The following SP6 variants were observed in gnomAD, a reference collection of about 807,000 sequenced individuals.
SP6 encodes Sp6 transcription factor.
SP6 carries 10 observed loss-of-function variants against 23.4 expected under a neutral mutation model. The observed-to-expected ratio is 0.43, with a 90% CI of 0.26 to 0.72. The LOEUF (loss-of-function observed/expected upper bound fraction) is 0.72, where lower values mean the gene tolerates loss of function less well. Among genes scored for constraint, SP6 ranks in the 30% least tolerant of loss-of-function variants. The probability of loss-of-function intolerance (pLI) is 0.23; values close to 1 mark genes in which losing one functional copy is unlikely to be tolerated. For missense variants in SP6, 482 were observed against 523.8 expected (o/e 0.92, Z 0.78); for synonymous variants, 238 against 238.7 (o/e 1.00, Z 0.03).
the SP6 span, among the ~76,000 whole-genome samples, chr17:47,864,022 T>A: frequency 1.3e-5 from 2 of 148,278 alleles, no homozygotes; most frequent in African/African-American, 2.5e-5. Flanking sequence ...TTTTTTTTTT[T>A]TAGTAGAGAT....
chr17:47,850,690 C>T (rs2033944755), intron 1 of SP6, among the ~76,000 whole-genome samples: 1 of 152,180 alleles, frequency 6.6e-6, no homozygotes, highest in Non-Finnish European at 1.5e-5. Flanking sequence ...CTCAATGTCC[C>T]GGTCCTCTGG....
At chr17:47,857,747 C>T (rs959857660), upstream of SP6, among the ~76,000 whole-genome samples, 1 of 152,126 alleles carries the variant, frequency 6.6e-6, no homozygotes, top group Non-Finnish European at 1.5e-5. Flanking sequence ...GGGTGGGTGC[C>T]ATGCGGCCTG....
the SP6 span, chr17:47,863,424 G>A: frequency 6.6e-6 from 1 of 152,134 alleles, no homozygotes; most frequent in Non-Finnish European, 1.5e-5. Context: ...TGCTTTGTAA[G>A]TTTGTTGAAT....
In SP6 at chr17:47,847,900, G is replaced by A. The variant is rs1315528797; in HGVS notation, c.530C>T (p.Ala177Val). 1 of 1,561,856 alleles carries A rather than the reference G, an allele frequency of 6.4e-7. No homozygotes were observed. The highest frequency in any genetic ancestry group is 8.7e-7 in the Non-Finnish European group (1 of 1,153,384). ...HPHAHHLLPA[A>V]GGQHLLGPPD... ...CGGCCCTAGGAGATGCTGCCCTCCGGCAGCTGGAAGGAGGTGGTGCGCATG... is the reference window on the plus strand; with the variant it reads ...CGGCCCTAGGAGATGCTGCCCTCCGACAGCTGGAAGGAGGTGGTGCGCATG... The change falls in exon 2 of 2, where the codon GCC (alanine) becomes GTC (valine). Residue 177 changes from alanine to valine, a missense_variant. By Grantham distance (64) the Ala-to-Val change is moderately conservative. Transcript: ENST00000536300.
rs979077894 is a variant in SP6, at chr17:47,848,597, C to A, written c.-57-111G>T. On this transcript the variant is annotated intron_variant, in intron 1 of 1. Transcript: ENST00000536300. The surrounding 1 kb of genome is among the most constrained non-coding windows in gnomAD (Gnocchi z 5.3). Reference sequence around the variant, plus strand: ...TGTAAAAGAAGGATGCACCTCTGAACGAGGACTAGAGATGAGTTTAGAGAA... The same window carrying A: ...TGTAAAAGAAGGATGCACCTCTGAAAGAGGACTAGAGATGAGTTTAGAGAA... 2 of 618,612 alleles carry A rather than the reference C, an allele frequency of 3.2e-6. No homozygotes were observed. The highest frequency in any genetic ancestry group is 5.6e-6 in the Non-Finnish European group (2 of 356,688). 38.3% of individuals were successfully genotyped at this position (618,612 alleles called of 1,614,324 possible).
chr17:47,847,808 CG>C lies in SP6; in HGVS notation c.621del (p.Asp207GlufsTer65). On this transcript the variant is annotated frameshift_variant, in exon 2 of 2. Transcript: ENST00000536300. LOFTEE classifies it high-confidence loss of function. ...CGGGAGCCTTTGGGACGCGCCGCCC[CG>C]TCCAGGCTGGAATCCAGCCCTTGAG... ...PESQGLDSSLDGAARPKGSRR... is the reference protein window; with the variant it reads ...PESQGLDSSLXGAARPKGSRR... 2 of 1,532,622 alleles carry C rather than the reference CG, an allele frequency of 1.3e-6. No individual in the cohort carries two copies. The highest frequency in any genetic ancestry group is 1.7e-6 in the Non-Finnish European group (2 of 1,143,634). 94.9% of individuals were successfully genotyped at this position (1,532,622 alleles called of 1,614,324 possible).
the SP6 span, among the ~76,000 whole-genome samples, chr17:47,869,767 C>T: frequency 6.6e-6 from 1 of 152,128 alleles, no homozygotes; most frequent in Non-Finnish European, 1.5e-5. Context: ...GTGTTGGTAA[C>T]CTTCTGTTCC....
Position 47,847,392 on chromosome 17 carries a change from C to A in SP6, c.1038G>T (p.Ala346=). The change falls in exon 2 of 2, where the codon GCG becomes GCT. Residue 346 remains alanine, a synonymous_variant. Transcript: ENST00000536300. ...CGCCGGCCTTGCCCTCTCCCGAGGC[C>A]GCCCCAGCCGCCTCCTCCTTGGCGC... ...HEGAKEEAAG[A]ASGEGKAGGA... The A allele has an allele frequency of 6.2e-7, 1 of 1,612,726 alleles. No homozygotes were observed. The highest frequency in any genetic ancestry group is 1.1e-5 in the South Asian group (1 of 91,032).
upstream of SP6, among the ~76,000 whole-genome samples, chr17:47,855,424 C>A (rs991821521): frequency 1.3e-5 from 2 of 152,166 alleles, no homozygotes; most frequent in Non-Finnish European, 2.9e-5. Context: ...AAGTTCCCAG[C>A]TATGAATCCC....
chr17:47,852,573 G>A (rs868461830), upstream of SP6, among the ~76,000 whole-genome samples: 22 of 151,558 alleles, frequency 1.5e-4, no homozygotes, highest in Admixed American at 3.9e-4. Flanking sequence ...ATTTAATCTC[G>A]CCTCTACAGC....
chr17:47,872,301 T>C, the SP6 span, among the ~76,000 whole-genome samples: 1 of 151,822 alleles, frequency 6.6e-6, no homozygotes, highest in Non-Finnish European at 1.5e-5. Context: ...TCCTTTCAGG[T>C]CTCTCTCCCC....
the SP6 span, among the ~76,000 whole-genome samples, chr17:47,870,307 C>G: frequency 6.6e-6 from 1 of 152,180 alleles, no homozygotes; most frequent in Admixed American, 6.5e-5. Flanking sequence ...CTCCACCTCT[C>G]GTGGTCAGCT....
chr17:47,856,476 G>A (rs2033999520), upstream of SP6, among the ~76,000 whole-genome samples: 1 of 152,200 alleles, frequency 6.6e-6, no homozygotes, highest in African/African-American at 2.4e-5. Flanking sequence ...CTCCAGGAGG[G>A]TGAAGAGGGT....
At chr17:47,861,244 G>A in the SP6 span, among the ~76,000 whole-genome samples, 1 of 152,100 alleles carries the variant, frequency 6.6e-6, no homozygotes, top group African/African-American at 2.4e-5. Flanking sequence ...CTGGAGCTCT[G>A]GGGGTGGCAG....
chr17:47,866,022 T>C, the SP6 span, among the ~76,000 whole-genome samples: 1 of 152,298 alleles, frequency 6.6e-6, no homozygotes, highest in Non-Finnish European at 1.5e-5. Context: ...GCTTCATCTT[T>C]ATGCTTCAGC....
In SP6 at chr17:47,848,983, A is replaced by G. The variant is rs2033926568; in HGVS notation, c.-57-497T>C. On this transcript the variant is annotated intron_variant, in intron 1 of 1. Transcript: ENST00000536300. The surrounding 1 kb of genome is among the most constrained non-coding windows in gnomAD (Gnocchi z 5.3). ...GGTGACCTGCCCCTCATAAAGCCTCAAACGGGTCCTGAGTCTTTGAAAGAG... is the reference window on the plus strand; with the variant it reads ...GGTGACCTGCCCCTCATAAAGCCTCGAACGGGTCCTGAGTCTTTGAAAGAG... 6.6e-6 allele frequency among the ~76,000 whole-genome samples: 1 copy of G among 152,182 alleles called. No individual in the cohort carries two copies. The highest frequency in any genetic ancestry group is 1.5e-5 in the Non-Finnish European group (1 of 68,024).
At chr17:47,872,490 GGA>G in the SP6 span, among the ~76,000 whole-genome samples, 1 of 152,226 alleles carries the variant, frequency 6.6e-6, no homozygotes, top group South Asian at 2.1e-4. Flanking sequence ...AGCGGACGCA[GGA>G]GGCTCAGTGG....
upstream of SP6, among the ~76,000 whole-genome samples, chr17:47,852,907 G>A (rs751199190): frequency 2.0e-5 from 3 of 152,148 alleles, no homozygotes; most frequent in Non-Finnish European, 2.9e-5. Flanking sequence ...GGTAAGCGCC[G>A]GGTAAATGGA....
upstream of SP6, among the ~76,000 whole-genome samples, chr17:47,851,466 C>T (rs2033956075): frequency 2.6e-5 from 4 of 152,114 alleles, no homozygotes; most frequent in South Asian, 8.3e-4. Flanking sequence ...GCAGAGGACG[C>T]AGGACTAAGA....
Sources: gnomAD v4.1 joint callset for allele counts (sites outside exome capture counted in the v4.1 genomes callset) on GRCh38, gnomAD v4.1.1 for gene constraint, Gnocchi (gnomAD v3.1) non-coding constraint, MANE v1.5 for transcripts, NCBI Gene and HGNC (gene_info 2026-07-23, HGNC 2026-07-21) for gene names.